Variants in PIEZO2 observed in about 807,000 individuals in gnomAD.
PIEZO2 encodes piezo-type mechanosensitive ion channel component 2.
In PIEZO2, 172 loss-of-function variants were observed where a neutral mutation model predicts 337.3. The ratio of observed to expected loss-of-function variants is 0.51; its 90% CI spans 0.45 to 0.58. The LOEUF is 0.58. PIEZO2 is among the 20% of genes least tolerant of loss of function. The pLI, the probability that PIEZO2 is intolerant of heterozygous loss-of-function variation, is 0.00. For missense variants in PIEZO2, 3,028 were observed against 3,391.3 expected, an observed-to-expected ratio of 0.89 and a Z score of 2.66; for synonymous variants, 1,251 against 1,228.5, an observed-to-expected ratio of 1.02 and a Z score of -0.38.
Position 11,101,338 on chromosome 18 carries a change from T to C in PIEZO2, c.65-35116A>G, listed in dbSNP as rs963093277. ...CTGCACGTGGGTCCCCACGCACCAC[T>C]TGCTGGCCCCATGAAGCACTCTCAG... On this transcript the variant is annotated intron_variant, in intron 1 of 55. Coordinates refer to ENST00000674853, the MANE Select transcript of PIEZO2 (RefSeq NM_001378183.1). This position sits in a 1 kb window ranked among gnomAD's most constrained non-coding sequence, Gnocchi z 4.4. 3.3e-5 allele frequency among the ~76,000 whole-genome samples: 5 copies of C among 152,232 alleles called. No individual in the cohort carries two copies. The highest frequency in any genetic ancestry group is 7.3e-5 in the Non-Finnish European group (5 of 68,034).
chr18:10,681,492 C>A (rs1372278766), intron 51 of PIEZO2, among the ~76,000 whole-genome samples, 169 bp downstream of exon 51: 4 of 152,258 alleles, frequency 2.6e-5, no homozygotes, highest in African/African-American at 9.6e-5. Flanking sequence ...GACATAACTT[C>A]TTAGATTATC....
At chr18:10,995,172 C>T (rs1490933040) in intron 2 of PIEZO2, among the ~76,000 whole-genome samples, 1 of 150,384 alleles carries the variant, frequency 6.6e-6, no homozygotes, top group Non-Finnish European at 1.5e-5. Flanking sequence ...GCCATTCTTT[C>T]AGGAGTAAGG....
chr18:10,790,607 A>C (rs529105463), intron 14 of PIEZO2, among the ~76,000 whole-genome samples: 2 of 152,282 alleles, frequency 1.3e-5, no homozygotes, highest in African/African-American at 4.8e-5. Flanking sequence ...TCTTGTTTCC[A>C]GTACTCACTA....
chr18:10,698,370 G>A (rs1415589882), intron 44 of PIEZO2, among the ~76,000 whole-genome samples: 1 of 151,612 alleles, frequency 6.6e-6, no homozygotes, highest in Non-Finnish European at 1.5e-5. Flanking sequence ...AAAAGCTTCA[G>A]ACAGGAGCCC....
intron 2 of PIEZO2, among the ~76,000 whole-genome samples, chr18:11,063,180 G>C (rs1433002789): frequency 1.3e-5 from 2 of 149,996 alleles, no homozygotes; most frequent in African/African-American, 4.9e-5. Flanking sequence ...CTATCACAAG[G>C]ACCAAAAAAC....
Position 10,853,556 on chromosome 18 carries a change from C to T in PIEZO2, c.917+1797G>A, listed in dbSNP as rs1598585523. 6.6e-6 allele frequency among the ~76,000 whole-genome samples: 1 copy of T among 152,194 alleles called. No homozygotes were observed. Among genetic ancestry groups the T allele is most frequent in the African/African-American group, 2.4e-5 (1 of 41,456 alleles). ...TGCTGCGAGACTCAGATGTGTTTCA[C>T]TGCTAACATTACCATTTCTGTCCCC... On this transcript the variant is annotated intron_variant, in intron 7 of 55. Transcript: ENST00000674853. The surrounding 1 kb of genome is among the most constrained non-coding windows in gnomAD (Gnocchi z 4.2).
chr18:10,927,639 T>C (rs1219013537), intron 3 of PIEZO2, among the ~76,000 whole-genome samples: 2 of 152,208 alleles, frequency 1.3e-5, no homozygotes, highest in African/African-American at 4.8e-5. Flanking sequence ...ATGCAGCAAA[T>C]ATCAGACTTT....
chr18:11,041,675 C>A (rs1397315546), intron 2 of PIEZO2, among the ~76,000 whole-genome samples: 1 of 152,000 alleles, frequency 6.6e-6, no homozygotes, highest in Non-Finnish European at 1.5e-5. Context: ...TTGTATGGTT[C>A]TTCTTAATGT....
intron 36 of PIEZO2, among the ~76,000 whole-genome samples, chr18:10,722,064 T>C (rs1311212993): frequency 6.6e-6 from 1 of 151,136 alleles, no homozygotes; most frequent in Non-Finnish European, 1.5e-5. Flanking sequence ...TGAGGCAGAA[T>C]TGCTTGAACT....
rs2041687299 is a variant in PIEZO2, at chr18:10,855,738, T to A, written c.704-172A>T. Among the ~76,000 whole-genome samples the A allele has an allele frequency of 6.6e-6, 1 of 152,204 alleles. No homozygotes were observed. Among genetic ancestry groups the A allele is most frequent in the Non-Finnish European group, 1.5e-5 (1 of 68,036 alleles). ...TTATATAATAAAAATTAATGCTAGA[T>A]TTATTGTGAAAAAGTCACATATGAA... On this transcript the variant is annotated intron_variant, in intron 6 of 55. Coordinates refer to ENST00000674853, the MANE Select transcript of PIEZO2 (RefSeq NM_001378183.1). The surrounding 1 kb of genome is among the most constrained non-coding windows in gnomAD (Gnocchi z 4.9).
At chr18:11,030,512 G>A (rs1034879151) in intron 2 of PIEZO2, among the ~76,000 whole-genome samples, 1 of 152,142 alleles carries the variant, frequency 6.6e-6, no homozygotes, top group Non-Finnish European at 1.5e-5. Flanking sequence ...CCTTGTAGTG[G>A]TTACGGGAAG....
At chr18:11,145,605 T>C (rs1260986949) in intron 1 of PIEZO2, among the ~76,000 whole-genome samples, 1 of 152,152 alleles carries the variant, frequency 6.6e-6, no homozygotes, top group Non-Finnish European at 1.5e-5. Flanking sequence ...TTGCACTCAC[T>C]ATGCGCAGGA....
At position 10,727,872 on chromosome 18, in the gene PIEZO2, A is replaced by C. The variant is rs1225631512; in HGVS notation, c.5029+3535T>G. The C allele has an allele frequency of 6.6e-6, 1 of 152,044 alleles. No individual in the cohort carries two copies. The highest frequency in any genetic ancestry group is 6.6e-5 in the Admixed American group (1 of 15,252). 9.4% of individuals were successfully genotyped at this position (152,044 alleles called of 1,614,324 possible). ...CCCTCCTGGACCAGGTGAGGTGCAG[A>C]GCGCCTTTTGTGTAAGTTACTGGTC... On this transcript the variant is annotated intron_variant, in intron 36 of 55. Coordinates refer to ENST00000674853, the MANE Select transcript of PIEZO2 (RefSeq NM_001378183.1). The surrounding 1 kb of genome is among the most constrained non-coding windows in gnomAD (Gnocchi z 6.3).
At position 10,877,048 on chromosome 18, in the gene PIEZO2, AC is replaced by A. The variant is rs1164897280; in HGVS notation, c.330-5634del. ...TACCTACCTATGAATATCCATGAAAACTCATGTTGCTGGGAAGCCCCACTAA... is the reference window on the plus strand; with the variant it reads ...TACCTACCTATGAATATCCATGAAAATCATGTTGCTGGGAAGCCCCACTAA... On this transcript the variant is annotated intron_variant, in intron 4 of 55. Transcript: ENST00000674853. The surrounding 1 kb of genome is among the most constrained non-coding windows in gnomAD (Gnocchi z 5.3). Among the ~76,000 whole-genome samples, 1 of 152,100 alleles carries A rather than the reference AC, an allele frequency of 6.6e-6. No homozygotes were observed. The highest frequency in any genetic ancestry group is 1.5e-5 in the Non-Finnish European group (1 of 68,006).
At chr18:10,822,381 T>G (rs141639992) in intron 7 of PIEZO2, among the ~76,000 whole-genome samples, 59 of 152,338 alleles carry the variant, frequency 3.9e-4, no homozygotes, top group Non-Finnish European at 7.1e-4. Context: ...TTCTTAAAAT[T>G]ACCATTATAA....
At chr18:10,957,976 C>T (rs264188) in intron 3 of PIEZO2, among the ~76,000 whole-genome samples, 73,389 of 151,876 alleles carry the variant, frequency 0.48, 17,897 homozygotes, top group Non-Finnish European at 0.51. Flanking sequence ...CACTTCATGC[C>T]TGTTAGAATG....
At chr18:10,948,186 T>C (rs1413029273) in intron 3 of PIEZO2, among the ~76,000 whole-genome samples, 3 of 152,076 alleles carry the variant, frequency 2.0e-5, no homozygotes, top group Non-Finnish European at 4.4e-5. Flanking sequence ...GTCTTAAAAA[T>C]AATTTCAATA....
intron 3 of PIEZO2, among the ~76,000 whole-genome samples, chr18:10,977,001 A>ATGTGTGTGTG (rs59666101): frequency 0.15 from 21,633 of 142,676 alleles, 1,992 homozygotes; most frequent in Non-Finnish European, 0.21. Flanking sequence ...AAGAACAAAT[A>ATGTGTGTGTG]TGTGTGTGTG....
At position 10,846,240 on chromosome 18, in the gene PIEZO2, TACAC is replaced by T. The variant is rs2041357477; in HGVS notation, c.917+9109_917+9112del. 6.6e-6 allele frequency among the ~76,000 whole-genome samples: 1 copy of T among 152,196 alleles called. No individual in the cohort carries two copies. Among genetic ancestry groups the T allele is most frequent in the Non-Finnish European group, 1.5e-5 (1 of 68,034 alleles). ...AGGCAAGGAGGAGCAAGTCACATCT[TACAC>T]AGATGGCAGCAGGCAAAGAGAGAGC... On this transcript the variant is annotated intron_variant, in intron 7 of 55. Coordinates refer to ENST00000674853, the MANE Select transcript of PIEZO2 (RefSeq NM_001378183.1). The surrounding 1 kb of genome is among the most constrained non-coding windows in gnomAD (Gnocchi z 4.1).
Sources: allele counts gnomAD v4.1 joint callset (sites outside exome capture counted in the v4.1 genomes callset), GRCh38; gene constraint gnomAD v4.1.1; non-coding constraint Gnocchi (gnomAD v3.1); transcripts MANE v1.5; gene names NCBI Gene and HGNC (gene_info 2026-07-23, HGNC 2026-07-21).